The following NBEAL1 variants were observed in gnomAD, a reference collection of about 807,000 sequenced individuals.
The protein encoded by NBEAL1 is neurobeachin like 1, also known as neurobeachin-like protein 1.
Under a neutral mutation model 351.3 loss-of-function variants are expected in NBEAL1, and 273 were observed. That is an observed-to-expected ratio of 0.78 (90% CI 0.70 to 0.86). The LOEUF is 0.86. Ranked by LOEUF, NBEAL1 falls within the 40% of genes least tolerant of loss-of-function variation. The pLI, the probability that NBEAL1 is intolerant of heterozygous loss-of-function variation, is 0.00. For missense variants in NBEAL1, 2,961 were observed against 3,201.3 expected (o/e 0.92, Z 1.81); for synonymous variants, 1,050 against 1,086.4 (o/e 0.97, Z 0.66).
intron 3 of NBEAL1, among the ~76,000 whole-genome samples, chr2:203,042,678 C>T (rs1013847716): frequency 4.0e-5 from 6 of 151,800 alleles, no homozygotes; most frequent in African/African-American, 1.5e-4. Flanking sequence ...ACCTCCACCT[C>T]CTAGGTTCAA....
At chr2:203,177,812 C>T (rs1280387765) in intron 42 of NBEAL1, among the ~76,000 whole-genome samples, 4 of 151,880 alleles carry the variant, frequency 2.6e-5, no homozygotes, top group South Asian at 2.1e-4. Context: ...TGAGGTCAGG[C>T]GTTCGAGACC....
intron 18 of NBEAL1, among the ~76,000 whole-genome samples, chr2:203,118,154 G>A (rs1241666607): frequency 2.0e-5 from 3 of 152,134 alleles, no homozygotes; most frequent in African/African-American, 7.2e-5. Flanking sequence ...AATTACTAAT[G>A]TTTTACTGTA....
intron 51 of NBEAL1, among the ~76,000 whole-genome samples, chr2:203,206,842 C>G (rs1371302046): frequency 1.3e-5 from 2 of 150,710 alleles, no homozygotes; most frequent in Non-Finnish European, 1.5e-5. Flanking sequence ...GGCCGCCACC[C>G]CGTCTGGGAA....
chr2:203,209,713 A>ATGTGTGTG (rs56169732), intron 53 of NBEAL1, among the ~76,000 whole-genome samples: 29,789 of 138,408 alleles, frequency 0.22, 3,628 homozygotes, highest in Admixed American at 0.29. Context: ...TTTAATTAAT[A>ATGTGTGTG]TGTGTGTGTG....
intron 18 of NBEAL1, among the ~76,000 whole-genome samples, chr2:203,119,529 G>A (rs901614808): frequency 2.8e-5 from 4 of 141,978 alleles, no homozygotes; most frequent in East Asian, 2.2e-4. Flanking sequence ...GGGTTCAAGC[G>A]ATTCTCCTGC....
intron 36 of NBEAL1, among the ~76,000 whole-genome samples, chr2:203,164,399 T>A (rs1366121114): frequency 2.0e-5 from 3 of 152,102 alleles, no homozygotes; most frequent in Admixed American, 1.3e-4. Flanking sequence ...TATAGGGAAC[T>A]ATCTTGGTAG....
intron 2 of NBEAL1, among the ~76,000 whole-genome samples, chr2:203,030,453 A>AAAT (rs1277972592): frequency 2.6e-5 from 4 of 152,038 alleles, no homozygotes; most frequent in African/African-American, 4.8e-5. Flanking sequence ...GTAAGTGATC[A>AAAT]AATAATAATA....
rs542029901 is a variant in NBEAL1, at chr2:203,037,438, G to GT, written c.52-4319dup. On this transcript the variant is annotated intron_variant, in intron 2 of 55. Transcript: ENST00000683969. Reference sequence around the variant, plus strand: ...ACTTAAAAATTTCCAAGGGATCATAGTTTTTTTTCAATTCAGCTTTATTGA... The same window carrying GT: ...ACTTAAAAATTTCCAAGGGATCATAGTTTTTTTTTCAATTCAGCTTTATTGA... Among the ~76,000 whole-genome samples the GT allele has an allele frequency of 3.2e-4, 48 of 148,792 alleles. 3 individuals are homozygous for GT. Among genetic ancestry groups the GT allele is most frequent in the South Asian group, 2.9e-3 (14 of 4,758 alleles).
rs925294035 is a variant in NBEAL1, at chr2:203,223,056, A to G, written c.*5702A>G. ...ATAGTGGCTGTATTATCAGATACTTATTTGATTATAGTAATTCATCAGACA... is the reference window on the plus strand; with the variant it reads ...ATAGTGGCTGTATTATCAGATACTTGTTTGATTATAGTAATTCATCAGACA... On this transcript the variant is annotated 3_prime_UTR_variant, in exon 56 of 56. Transcript: ENST00000683969. Among the ~76,000 whole-genome samples, 2 of 152,150 alleles carry G rather than the reference A, an allele frequency of 1.3e-5. No homozygotes were observed. The highest frequency in any genetic ancestry group is 4.8e-5 in the African/African-American group (2 of 41,442).
rs747849820 is a variant in NBEAL1, at chr2:203,111,971, T to C, written c.2083-8T>C. The C allele has an allele frequency of 6.5e-6, 10 of 1,544,962 alleles. No individual in the cohort carries two copies. The highest frequency in any genetic ancestry group is 8.7e-6 in the Non-Finnish European group (10 of 1,145,740). ...TTTATCCTTTAAATGTGTGTTTCAC[T>C]TTACCAGCACAACATAACTGTTGTC... is the stretch of plus-strand genomic sequence containing the variant. On this transcript the variant is annotated splice_region_variant and splice_polypyrimidine_tract_variant and intron_variant, in intron 15 of 55. Transcript: ENST00000683969.
intron 46 of NBEAL1, chr2:203,191,385 AC>A: frequency 4.7e-6 from 1 of 212,100 alleles, no homozygotes; most frequent in Non-Finnish European, 9.6e-6. Context: ...ATTAAATATT[AC>A]TACATATATT....
chr2:203,156,669 G>A (rs1202256033), intron 35 of NBEAL1, among the ~76,000 whole-genome samples: 2 of 152,192 alleles, frequency 1.3e-5, no homozygotes, highest in Non-Finnish European at 2.9e-5. Flanking sequence ...GAAAAATGCA[G>A]CTGTACGTTA....
At chr2:203,096,740 C>G (rs2062192701) in intron 10 of NBEAL1, among the ~76,000 whole-genome samples, 1 of 152,136 alleles carries the variant, frequency 6.6e-6, no homozygotes, top group Non-Finnish European at 1.5e-5. Context: ...TTTGGAAATG[C>G]TGCACCGTGA....
In NBEAL1 at chr2:203,217,300, G is replaced by C; in HGVS notation, c.8118G>C (p.Arg2706=). The change falls in exon 56 of 56, where the codon CGG becomes CGC. Residue 2706 remains arginine, a synonymous_variant. Transcript: ENST00000683969. ...GAAAATTTTGGGGATCGAGCAAGCG[G>C]CTCAGCCAGATTTCAGCTGGAGAAA... The part of the protein sequence containing the change: ...LSRKFWGSSK[R]LSQISAGETE... 1 of 1,601,426 alleles carries C rather than the reference G, an allele frequency of 6.2e-7. No individual in the cohort carries two copies. The highest frequency in any genetic ancestry group is 8.5e-7 in the Non-Finnish European group (1 of 1,173,510).
At chr2:203,115,635 G>A (rs549674591) in intron 17 of NBEAL1, among the ~76,000 whole-genome samples, 1 of 152,054 alleles carries the variant, frequency 6.6e-6, no homozygotes, top group South Asian at 2.1e-4. Flanking sequence ...TCACCATGTT[G>A]CCCAGGCTGG....
intron 6 of NBEAL1, among the ~76,000 whole-genome samples, chr2:203,057,824 C>CTTTTTTTTTTTT (rs747730907): frequency 3.0e-5 from 4 of 133,680 alleles, no homozygotes; most frequent in Non-Finnish European, 4.9e-5. Context: ...TTTCTTTTTT[C>CTTTTTTTTTTTT]TTTTTTTTTT....
chr2:203,171,943 G>A lies in NBEAL1; in HGVS notation c.6118G>A (p.Glu2040Lys). The A allele has an allele frequency of 6.3e-7, 1 of 1,599,586 alleles. No individual in the cohort carries two copies. The highest frequency in any genetic ancestry group is 8.5e-7 in the Non-Finnish European group (1 of 1,173,720). Reference sequence around the variant, plus strand: ...TGCTGTCTAGAAATGGGTAAACAGAGAGATATCAAATTTTGACTACCTCAT... The same window carrying A: ...TGCTGTCTAGAAATGGGTAAACAGAAAGATATCAAATTTTGACTACCTCAT... ...SGLTQKWVNR[E>K]ISNFDYLIQI... is the part of the protein sequence containing the mutation. The change falls in exon 40 of 56, where the codon GAG becomes AAG. Residue 2040 changes from glutamate to lysine, a missense_variant. Physicochemically the swap from Glu to Lys is moderately conservative, Grantham distance 56. Transcript: ENST00000683969.
chr2:203,187,719 A>C (rs1361619083), intron 44 of NBEAL1, among the ~76,000 whole-genome samples: 1 of 150,934 alleles, frequency 6.6e-6, no homozygotes, highest in Non-Finnish European at 1.5e-5. Flanking sequence ...CTCCAACCTC[A>C]GCGACAGAGC....
chr2:203,057,566 C>A (rs2061424457), intron 6 of NBEAL1, 113 bp downstream of exon 6: 2 of 793,186 alleles, frequency 2.5e-6, no homozygotes, highest in Non-Finnish European at 3.8e-6. Context: ...ATAAGACCCA[C>A]AGATTTAACT....
Sources: allele counts gnomAD v4.1 joint callset (sites outside exome capture counted in the v4.1 genomes callset), GRCh38; gene constraint gnomAD v4.1.1; transcripts MANE v1.5; gene names NCBI Gene and HGNC (gene_info 2026-07-23, HGNC 2026-07-21).